The following RPS6KC1 variants were observed in gnomAD, a reference collection of about 807,000 sequenced individuals.
RPS6KC1 encodes ribosomal protein S6 kinase C1.
RPS6KC1 carries 54 observed loss-of-function variants against 103.8 expected under a neutral mutation model. That is an observed-to-expected ratio of 0.52 (90% CI 0.42 to 0.65). The LOEUF (loss-of-function observed/expected upper bound fraction) is 0.65, where lower values mean the gene tolerates loss of function less well. RPS6KC1 is among the 30% of genes least tolerant of loss of function. The pLI is 0.00. For synonymous variants in RPS6KC1, 439 were observed against 438.7 expected (o/e 1.00, Z -0.01); for missense variants, 1,151 against 1,253.8 (o/e 0.92, Z 1.24).
chr1:213,588,246 A>T, the RPS6KC1 span, among the ~76,000 whole-genome samples: 2 of 148,622 alleles, frequency 1.3e-5, no homozygotes, highest in Admixed American at 6.7e-5. Context: ...CACTAATCCC[A>T]CTCATGAGAG....
At chr1:213,796,314 T>C in the RPS6KC1 span, among the ~76,000 whole-genome samples, 1 of 152,214 alleles carries the variant, frequency 6.6e-6, no homozygotes, top group Non-Finnish European at 1.5e-5. Flanking sequence ...GGGAGAACAA[T>C]AGATTGTGTT....
chr1:213,268,510 G>T (rs1044131450), intron 14 of RPS6KC1, among the ~76,000 whole-genome samples: 3 of 149,746 alleles, frequency 2.0e-5, no homozygotes, highest in Non-Finnish European at 4.4e-5. Context: ...TTGTAGATAT[G>T]AGTTCATAGA....
chr1:213,289,922 C>T, the RPS6KC1 span, among the ~76,000 whole-genome samples: 1 of 151,960 alleles, frequency 6.6e-6, no homozygotes, highest in African/African-American at 2.4e-5. Context: ...GCCTGTGATC[C>T]CAGCTACTCG....
At chr1:213,514,968 T>C in the RPS6KC1 span, among the ~76,000 whole-genome samples, 1 of 152,358 alleles carries the variant, frequency 6.6e-6, no homozygotes. Context: ...TTTGCATTTC[T>C]CTGATGGCCA....
the RPS6KC1 span, among the ~76,000 whole-genome samples, chr1:213,363,339 G>A: frequency 6.6e-6 from 1 of 152,326 alleles, no homozygotes; most frequent in South Asian, 2.1e-4. Flanking sequence ...GCAAGAGGTT[G>A]ATTTTTCTCA....
At chr1:213,291,961 A>G in the RPS6KC1 span, among the ~76,000 whole-genome samples, 2 of 152,168 alleles carry the variant, frequency 1.3e-5, no homozygotes, top group African/African-American at 2.4e-5. Flanking sequence ...AGCTTTCTAC[A>G]TATGGCTAGC....
chr1:213,399,097 A>G, the RPS6KC1 span, among the ~76,000 whole-genome samples: 1 of 152,358 alleles, frequency 6.6e-6, no homozygotes, highest in Non-Finnish European at 1.5e-5. Context: ...TAGAGGCATT[A>G]TCAAGGGAAA....
At chr1:213,442,859 G>A in the RPS6KC1 span, among the ~76,000 whole-genome samples, 8 of 151,982 alleles carry the variant, frequency 5.3e-5, no homozygotes, top group Non-Finnish European at 2.9e-5. Flanking sequence ...TTCCTTCCAG[G>A]CACTTGATCC....
the RPS6KC1 span, among the ~76,000 whole-genome samples, chr1:213,848,070 G>C: frequency 6.6e-6 from 1 of 152,104 alleles, no homozygotes; most frequent in Admixed American, 6.6e-5. Flanking sequence ...AGATACAAAA[G>C]TAAAGCAGTA....
At chr1:213,542,330 C>T in the RPS6KC1 span, among the ~76,000 whole-genome samples, 1 of 152,186 alleles carries the variant, frequency 6.6e-6, no homozygotes, top group East Asian at 1.9e-4. Flanking sequence ...CTTCATTGAT[C>T]TTGTTGGGCA....
intron 6 of RPS6KC1, among the ~76,000 whole-genome samples, chr1:213,162,427 T>G (rs2090564910): frequency 6.6e-6 from 1 of 151,930 alleles, no homozygotes; most frequent in Non-Finnish European, 1.5e-5. Flanking sequence ...ACTACAGGTG[T>G]GTACCACCAG....
intron 4 of RPS6KC1, among the ~76,000 whole-genome samples, chr1:213,116,655 C>T (rs1558350100): frequency 6.6e-6 from 1 of 151,558 alleles, no homozygotes; most frequent in African/African-American, 2.4e-5. Context: ...TCTCGATGGT[C>T]TTTACATTTT....
the RPS6KC1 span, among the ~76,000 whole-genome samples, chr1:213,733,559 T>TC: frequency 1.3e-5 from 2 of 151,538 alleles, no homozygotes; most frequent in Non-Finnish European, 2.9e-5. Context: ...TTTTTTTTTT[T>TC]TTTTTGAGGA....
At chr1:213,660,590 G>A in the RPS6KC1 span, among the ~76,000 whole-genome samples, 2 of 152,316 alleles carry the variant, frequency 1.3e-5, no homozygotes, top group East Asian at 3.9e-4. Context: ...ATTTTAAAGA[G>A]CCTAGCAACA....
At chr1:213,720,276 G>A in the RPS6KC1 span, among the ~76,000 whole-genome samples, 1 of 152,188 alleles carries the variant, frequency 6.6e-6, no homozygotes, top group Non-Finnish European at 1.5e-5. Flanking sequence ...GAGTGTTTAA[G>A]GACTAGTAAC....
chr1:213,410,050 G>A, the RPS6KC1 span, among the ~76,000 whole-genome samples: 1 of 152,206 alleles, frequency 6.6e-6, no homozygotes, highest in Non-Finnish European at 1.5e-5. Context: ...AGCTACTTGG[G>A]AAGCTAAAGT....
At chr1:213,481,540 C>T in the RPS6KC1 span, among the ~76,000 whole-genome samples, 1 of 151,920 alleles carries the variant, frequency 6.6e-6, no homozygotes, top group African/African-American at 2.4e-5. Context: ...CTTTATTGGC[C>T]CTATTAAGGT....
intron 8 of RPS6KC1, among the ~76,000 whole-genome samples, chr1:213,210,784 C>T (rs2093482630): frequency 6.6e-6 from 1 of 152,202 alleles, no homozygotes. Flanking sequence ...CTTCCTTGCC[C>T]TTGAGGCATT....
At chr1:213,743,184 C>T in the RPS6KC1 span, among the ~76,000 whole-genome samples, 2 of 152,142 alleles carry the variant, frequency 1.3e-5, no homozygotes, top group African/African-American at 2.4e-5. Context: ...GGTACATCTA[C>T]ACATTGGAAT....
Sources: allele counts gnomAD v4.1 joint callset (sites outside exome capture counted in the v4.1 genomes callset), GRCh38; gene constraint gnomAD v4.1.1; transcripts MANE v1.5; gene names NCBI Gene and HGNC (gene_info 2026-07-23, HGNC 2026-07-21).